RBFOX1: variants seen among roughly 807,000 people sequenced by gnomAD.
RBFOX1 encodes the protein RNA binding protein fox-1 homolog 1.
Under a neutral mutation model 57.7 loss-of-function variants are expected in RBFOX1, and 8 were observed. The observed-to-expected ratio is 0.14, with a 90% CI of 0.08 to 0.25. RBFOX1 has a LOEUF of 0.25. Among genes scored for constraint, RBFOX1 ranks in the 10% least tolerant of loss-of-function variants. The pLI is 1.00. For missense variants in RBFOX1, 611 were observed against 548.5 expected, an observed-to-expected ratio of 1.11 and a Z score of -1.14; for synonymous variants, 326 against 222.4, an observed-to-expected ratio of 1.47 and a Z score of -4.15.
intron 10 of RBFOX1, among the ~76,000 whole-genome samples, chr16:7,609,374 G>A (rs1039637368): frequency 2.6e-5 from 4 of 152,118 alleles, no homozygotes; most frequent in African/African-American, 9.7e-5. Context: ...CCCGTTACTT[G>A]TGCTTTCGTA....
chr16:6,215,189 G>A (rs558941206), intron 1 of RBFOX1, among the ~76,000 whole-genome samples: 16 of 117,782 alleles, frequency 1.4e-4, no homozygotes, highest in Non-Finnish European at 2.4e-4. Flanking sequence ...GGAGAGAGAA[G>A]GAGAGGAGGA....
chr16:5,275,053 C>T (rs753626763), intron 1 of RBFOX1, among the ~76,000 whole-genome samples: 6 of 152,200 alleles, frequency 3.9e-5, no homozygotes, highest in Non-Finnish European at 8.8e-5. Context: ...CTGCTCTTGC[C>T]TTCTGCTTTT....
chr16:6,605,968 G>T (rs376319917), intron 2 of RBFOX1, among the ~76,000 whole-genome samples: 1 of 151,998 alleles, frequency 6.6e-6, no homozygotes. Context: ...AGCATGGTTG[G>T]GGGTGGGGGC....
chr16:5,709,610 C>T (rs145802046), intron 3 of RBFOX1, among the ~76,000 whole-genome samples: 1 of 151,314 alleles, frequency 6.6e-6, no homozygotes, highest in African/African-American at 2.4e-5. Context: ...CAGCAAGCAT[C>T]ATTAGCTAGG....
chr16:7,448,009 A>T (rs1158090348), intron 4 of RBFOX1, among the ~76,000 whole-genome samples: 3 of 152,276 alleles, frequency 2.0e-5, no homozygotes, highest in East Asian at 3.9e-4. Flanking sequence ...CTCTTTAGAA[A>T]CACCCACCCT....
At chr16:6,874,481 A>C (rs1367459368) in intron 3 of RBFOX1, among the ~76,000 whole-genome samples, 1 of 140,414 alleles carries the variant, frequency 7.1e-6, no homozygotes, top group Non-Finnish European at 1.5e-5. Context: ...ACTGCACTCC[A>C]GGCTGGGCGA....
intron 4 of RBFOX1, among the ~76,000 whole-genome samples, chr16:7,466,009 A>G (rs1021310463): frequency 2.6e-5 from 4 of 152,204 alleles, no homozygotes; most frequent in Admixed American, 2.6e-4. Flanking sequence ...AGTTTTAAGT[A>G]GAAAGTGCAT....
At chr16:7,066,473 G>A (rs2056065703) in intron 4 of RBFOX1, among the ~76,000 whole-genome samples, 1 of 152,170 alleles carries the variant, frequency 6.6e-6, no homozygotes, top group South Asian at 2.1e-4. Flanking sequence ...AACTATGACA[G>A]GTGGAAAATG....
At chr16:7,622,351 C>G (rs1222528364) in intron 10 of RBFOX1, among the ~76,000 whole-genome samples, 1 of 152,152 alleles carries the variant, frequency 6.6e-6, no homozygotes, top group African/African-American at 2.4e-5. Context: ...GAGCAGGATA[C>G]CCAGTGATTC....
At chr16:6,580,123 T>A (rs995235868) in intron 2 of RBFOX1, among the ~76,000 whole-genome samples, 2 of 152,014 alleles carry the variant, frequency 1.3e-5, no homozygotes, top group Non-Finnish European at 2.9e-5. Flanking sequence ...CGCACCTAGC[T>A]AACTTTTGTG....
At chr16:6,519,339 G>A (rs2096455652) in intron 2 of RBFOX1, among the ~76,000 whole-genome samples, 1 of 152,074 alleles carries the variant, frequency 6.6e-6, no homozygotes, top group Admixed American at 6.6e-5. Flanking sequence ...ACTTCCTTTT[G>A]GAGAAGAAAT....
intron 1 of RBFOX1, among the ~76,000 whole-genome samples, chr16:6,032,380 T>TA (rs5815277): frequency 0.95 from 144,642 of 151,986 alleles, 68,875 homozygotes; most frequent in African/African-American, 0.99. Flanking sequence ...TTCTACTTAT[T>TA]AAAAAAATAT....
At chr16:5,968,628 T>A (rs1004561312) in intron 4 of RBFOX1, among the ~76,000 whole-genome samples, 1 of 152,224 alleles carries the variant, frequency 6.6e-6, no homozygotes, top group African/African-American at 2.4e-5. Context: ...CTGAAGATTT[T>A]TTTTTTCTAA....
intron 4 of RBFOX1, among the ~76,000 whole-genome samples, chr16:5,989,382 G>C (rs892266391): frequency 2.0e-5 from 3 of 151,978 alleles, no homozygotes; most frequent in Admixed American, 2.0e-4. Context: ...TAATTACAGG[G>C]GGTTTCCCTA....
chr16:5,360,095 A>G (rs1051048170), intron 1 of RBFOX1, among the ~76,000 whole-genome samples: 5 of 152,192 alleles, frequency 3.3e-5, no homozygotes, highest in Non-Finnish European at 4.4e-5. Flanking sequence ...GGAATAAATC[A>G]CTGTCCTGTT....
chr16:7,695,853 T>C (rs1341380106), intron 14 of RBFOX1, among the ~76,000 whole-genome samples: 1 of 152,060 alleles, frequency 6.6e-6, no homozygotes, highest in Non-Finnish European at 1.5e-5. Flanking sequence ...GCTTAAAATC[T>C]CAGTGTGGGG....
intron 12 of RBFOX1, among the ~76,000 whole-genome samples, chr16:7,664,329 ATAC>A (rs1212459836): frequency 6.6e-6 from 1 of 152,166 alleles, no homozygotes; most frequent in African/African-American, 2.4e-5. Flanking sequence ...GCTCACCCAC[ATAC>A]TATTAGAGAT....
intron 1 of RBFOX1, among the ~76,000 whole-genome samples, chr16:5,443,078 G>C (rs573689873): frequency 5.9e-5 from 9 of 152,282 alleles, no homozygotes; most frequent in Admixed American, 2.6e-4. Context: ...TAGAGCATTT[G>C]GAGGGAGGGT....
rs138804804 is a variant in RBFOX1, at chr16:6,807,024, G to C, written c.-16+152374G>C. On this transcript the variant is annotated intron_variant, in intron 3 of 15. Coordinates refer to ENST00000550418, the MANE Select transcript of RBFOX1 (RefSeq NM_018723.4). ...GATTTTTGTATTTTTAGCAGAGATG[G>C]GGTTTCAGCATGATTGCCAGGCTGG... 6.2e-3 allele frequency among the ~76,000 whole-genome samples: 932 copies of C among 151,354 alleles called. 12 individuals carry two copies. The highest frequency in any genetic ancestry group is 0.021 in the African/African-American group (846 of 41,252).
Sources: gnomAD v4.1 joint callset for allele counts (sites outside exome capture counted in the v4.1 genomes callset) on GRCh38, gnomAD v4.1.1 for gene constraint, MANE v1.5 for transcripts, NCBI Gene and HGNC (gene_info 2026-07-23, HGNC 2026-07-21) for gene names.